TCP11: variants seen among roughly 807,000 people sequenced by gnomAD.
The protein encoded by TCP11 is t-complex 11, also known as T-complex protein 11 homolog.
Under a neutral mutation model 45.0 loss-of-function variants are expected in TCP11, and 34 were observed. The ratio of observed to expected loss-of-function variants is 0.76; its 90% CI spans 0.57 to 1.01. The LOEUF is 1.01. Ranked by LOEUF, TCP11 falls within the 50% of genes least tolerant of loss-of-function variation. The pLI, the probability that TCP11 is intolerant of heterozygous loss-of-function variation, is 0.00. For missense variants in TCP11, 523 were observed against 598.1 expected, an observed-to-expected ratio of 0.87 and a Z score of 1.31; for synonymous variants, 227 against 227.0, an observed-to-expected ratio of 1.00 and a Z score of 0.00.
chr6:35,138,321 G>T (rs1034681661), intron 2 of TCP11, among the ~76,000 whole-genome samples: 1 of 152,208 alleles, frequency 6.6e-6, no homozygotes, highest in Admixed American at 6.5e-5. Flanking sequence ...TGATAGCCAA[G>T]ATTTGGAAGC....
Position 35,129,114 on chromosome 6 carries a change from G to A in TCP11, c.305C>T (p.Ala102Val), listed in dbSNP as rs145037860. The change falls in exon 4 of 10, where the codon GCA becomes GTA. Residue 102 changes from alanine to valine, a missense_variant. Transcript: ENST00000311875. The stretch of plus-strand genomic sequence containing the variant: ...AGCACAGCTGAAGTCAGGGGGAGTT[G>A]CTGATAGTTGCTCTTTAAGATGGTC... Reference protein sequence around the residue: ...FWDHLKEQLSATPPDFSCALE... With the variant: ...FWDHLKEQLSVTPPDFSCALE... The A allele has an allele frequency of 6.2e-6, 10 of 1,614,020 alleles. No individual in the cohort carries two copies. In the African/African-American group the frequency reaches 1.3e-4, roughly 22 times the overall value.
At chr6:35,135,540 C>A (rs1780977754) in intron 3 of TCP11, among the ~76,000 whole-genome samples, 1 of 149,928 alleles carries the variant, frequency 6.7e-6, no homozygotes, top group Non-Finnish European at 1.5e-5. Context: ...AATCCCAGCA[C>A]TTTGGGAAGC....
intron 8 of TCP11, among the ~76,000 whole-genome samples, 175 bp downstream of exon 8, chr6:35,119,983 GT>G (rs1006228403): frequency 3.3e-5 from 5 of 151,316 alleles, no homozygotes; most frequent in South Asian, 2.1e-4. Context: ...TGGAAGAAAG[GT>G]TTTTTTTTGT....
At chr6:35,128,519 G>A (rs1288197706) in intron 4 of TCP11, 1 of 152,404 alleles carries the variant, frequency 6.6e-6, no homozygotes, top group Admixed American at 6.5e-5. Context: ...CACTCAAGGG[G>A]AGAAGATTAT....
chr6:35,141,275 C>T lies in TCP11; in HGVS notation c.-85G>A. 2 of 1,301,338 alleles carry T rather than the reference C, an allele frequency of 1.5e-6. No individual in the cohort carries two copies. Among genetic ancestry groups the T allele is most frequent in the South Asian group, 2.2e-5 (1 of 45,848 alleles). The allele number at this position is 1,301,338 out of a possible 1,614,324, so 80.6% of individuals were successfully genotyped here. ...GGCCTCGCGGCCTGGCGGCCTGGAG[C>T]GTACCACCGCGGCGGAGCGGCGGGT... On this transcript the variant is annotated 5_prime_UTR_variant, in exon 1 of 10. Coordinates refer to ENST00000311875, the MANE Select transcript of TCP11 (RefSeq NM_001370687.1).
chr6:35,129,235 G>A, intron 3 of TCP11, 53 bp from the exon 4 acceptor site: 1 of 1,583,298 alleles, frequency 6.3e-7, no homozygotes, highest in Non-Finnish European at 8.6e-7. Context: ...AACAGTTACA[G>A]TGTCATAACC....
chr6:35,129,706 T>C (rs1023918929), intron 3 of TCP11, among the ~76,000 whole-genome samples: 2 of 152,158 alleles, frequency 1.3e-5, no homozygotes, highest in African/African-American at 4.8e-5. Context: ...CTACCATCTA[T>C]ATAGTAATGG....
At position 35,140,310 on chromosome 6, in the gene TCP11, A is replaced by T. The variant is rs187001575; in HGVS notation, c.124+437T>A. On this transcript the variant is annotated intron_variant, in intron 2 of 9. Coordinates refer to ENST00000311875, the MANE Select transcript of TCP11 (RefSeq NM_001370687.1). ...GGAGAAGACCTTGTGCCCCAACAAGAACACAAAAGAACACCCACTACAGAA... is the reference window on the plus strand; with the variant it reads ...GGAGAAGACCTTGTGCCCCAACAAGTACACAAAAGAACACCCACTACAGAA... The T allele has an allele frequency of 4.3e-5, 41 of 964,570 alleles. No homozygotes were observed. In the African/African-American group the frequency reaches 5.3e-4, roughly 12 times the overall value. 59.8% of individuals were successfully genotyped at this position (964,570 alleles called of 1,614,324 possible).
intron 4 of TCP11, among the ~76,000 whole-genome samples, chr6:35,125,809 TAAGAA>T (rs1779763589): frequency 1.3e-5 from 2 of 152,186 alleles, no homozygotes; most frequent in African/African-American, 4.8e-5. Flanking sequence ...ATCCATATAA[TAAGAA>T]TATTATTCAG....
At chr6:35,135,147 CAAAAA>C (rs34456748) in intron 3 of TCP11, among the ~76,000 whole-genome samples, 1 of 131,050 alleles carries the variant, frequency 7.6e-6, no homozygotes. Flanking sequence ...AACTCCATCT[CAAAAA>C]AAAAAAAAAA....
At chr6:35,127,298 A>C (rs999083844) in intron 4 of TCP11, among the ~76,000 whole-genome samples, 2 of 152,216 alleles carry the variant, frequency 1.3e-5, no homozygotes, top group Admixed American at 6.5e-5. Context: ...ACCATGCCTG[A>C]AACTCAGGAG....
intron 4 of TCP11, among the ~76,000 whole-genome samples, chr6:35,124,794 G>A (rs560967301): frequency 6.6e-6 from 1 of 152,048 alleles, no homozygotes; most frequent in Non-Finnish European, 1.5e-5. Flanking sequence ...ACATGCAAAA[G>A]AACAAAGTTG....
In TCP11 at chr6:35,121,072, ATAC is replaced by A. The variant is rs753286471; in HGVS notation, c.579-30_579-28del. On this transcript the variant is annotated intron_variant, in intron 5 of 9. Transcript: ENST00000311875. ...TGACACAGGGGGAAAGAGAATATTTATACTACTAAGCTAGAAACCCACCCAAGG... is the reference window on the plus strand; with the variant it reads ...TGACACAGGGGGAAAGAGAATATTTATACTAAGCTAGAAACCCACCCAAGG... 9.4e-5 allele frequency: 149 copies of A among 1,584,508 alleles called. No individual in the cohort carries two copies. In the African/African-American group the frequency reaches 1.5e-3, roughly 16 times the overall value.
chr6:35,138,914 G>A (rs1781412588), intron 2 of TCP11, among the ~76,000 whole-genome samples: 1 of 152,210 alleles, frequency 6.6e-6, no homozygotes, highest in South Asian at 2.1e-4. Context: ...AAGGCCAGGT[G>A]CTGTGGCTCT....
At position 35,118,181 on chromosome 6, in the gene TCP11, ACTGT is replaced by A; in HGVS notation, c.*84_*87del. 1.8e-6 allele frequency: 2 copies of A among 1,130,168 alleles called. No individual in the cohort carries two copies. The highest frequency in any genetic ancestry group is 1.3e-6 in the Non-Finnish European group (1 of 758,730). 70.0% of individuals were successfully genotyped at this position (1,130,168 alleles called of 1,614,324 possible). On this transcript the variant is annotated 3_prime_UTR_variant, in exon 10 of 10. Coordinates refer to ENST00000311875, the MANE Select transcript of TCP11 (RefSeq NM_001370687.1). ...GCTGCAGGGCCTGGGATAGAAGCTCACTGTCTGCTGGTCACTGGTGATGTTACTC... is the reference window on the plus strand; with the variant it reads ...GCTGCAGGGCCTGGGATAGAAGCTCACTGCTGGTCACTGGTGATGTTACTC...
In TCP11 at chr6:35,141,253, C is replaced by A; in HGVS notation, c.-63G>T. 1 of 1,300,336 alleles carries A rather than the reference C, an allele frequency of 7.7e-7. No homozygotes were observed. Among genetic ancestry groups the A allele is most frequent in the Non-Finnish European group, 9.8e-7 (1 of 1,022,674 alleles). The allele number at this position is 1,300,336 out of a possible 1,614,324, so 80.5% of individuals were successfully genotyped here. ...ATCCACTGGCGTCCGCTCGGTGGGC[C>A]TCGCGGCCTGGCGGCCTGGAGCGTA... On this transcript the variant is annotated 5_prime_UTR_variant, in exon 1 of 10. It adds an upstream start codon to the 5' untranslated region. Transcript: ENST00000311875.
In TCP11 at chr6:35,118,408, G is replaced by A. The variant is rs770206514; in HGVS notation, c.1373C>T (p.Ala458Val). ...CTTTTGGCCCAGTTCTGCCAGTTCT[G>A]CTTCAATGAGAGTAAGGCCTCCAGG... ...DLPGGLTLIE[A>V]ELAELGQKFV... The change falls in exon 10 of 10, where the codon GCA becomes GTA. Residue 458 changes from alanine (A) to valine (V), a missense_variant. By Grantham distance (64) the Ala-to-Val change is moderately conservative. This residue lies in a region of TCP11 where 298 missense variants were observed against 387.9 expected (regional missense o/e 0.77). Coordinates refer to ENST00000311875, the MANE Select transcript of TCP11 (RefSeq NM_001370687.1). 1 of 1,614,088 alleles carries A rather than the reference G, an allele frequency of 6.2e-7. No individual in the cohort carries two copies. The highest frequency in any genetic ancestry group is 1.3e-5 in the African/African-American group (1 of 74,924).
At chr6:35,122,530 A>G (rs1165848711) in intron 4 of TCP11, among the ~76,000 whole-genome samples, 193 bp from the exon 5 acceptor site, 1 of 152,196 alleles carries the variant, frequency 6.6e-6, no homozygotes, top group East Asian at 1.9e-4. Context: ...AAGGGGATCA[A>G]TTACAGGAAT....
chr6:35,123,962 AT>A (rs886576978), intron 4 of TCP11, among the ~76,000 whole-genome samples: 79 of 145,990 alleles, frequency 5.4e-4, no homozygotes, highest in Middle Eastern at 3.6e-3. Context: ...AATTAAAAAG[AT>A]TTTTTTTTTT....
Sources: gnomAD v4.1 joint callset for allele counts (sites outside exome capture counted in the v4.1 genomes callset) on GRCh38, gnomAD v4.1.1 for gene constraint, gnomAD v4.1.1 regional missense constraint, MANE v1.5 for transcripts, NCBI Gene and HGNC (gene_info 2026-07-23, HGNC 2026-07-21) for gene names.